Variants in TRAM2 observed in about 807,000 individuals in gnomAD.
TRAM2 encodes the protein translocation associated membrane protein 2.
Under a neutral mutation model 51.0 loss-of-function variants are expected in TRAM2, and 12 were observed. The ratio of observed to expected loss-of-function variants is 0.24; its 90% confidence interval spans 0.15 to 0.38. The LOEUF (loss-of-function observed/expected upper bound fraction) is 0.38, where lower values mean the gene tolerates loss of function less well. TRAM2 is among the 10% of genes least tolerant of loss of function. The pLI is 1.00. For missense variants in TRAM2, 361 were observed against 462.0 expected, an observed-to-expected ratio of 0.78 and a Z score of 2.00; for synonymous variants, 175 against 179.4, an observed-to-expected ratio of 0.98 and a Z score of 0.20.
chr6:52,540,210 C>T (rs1055249490), intron 1 of TRAM2, among the ~76,000 whole-genome samples: 2 of 151,222 alleles, frequency 1.3e-5, no homozygotes, highest in Non-Finnish European at 2.9e-5. Context: ...AGTAGCCTCC[C>T]GAGACCTCAC....
intron 4 of TRAM2, 67 bp from the exon 5 acceptor site, chr6:52,509,653 G>A (rs942253816): frequency 6.2e-5 from 91 of 1,474,110 alleles, no homozygotes; most frequent in Admixed American, 1.4e-4. Flanking sequence ...CCCTGGGACC[G>A]GTCCAGGGGT....
rs184340050 is a variant in TRAM2 at position 52,567,065 on chromosome 6, T to C, written c.120+9731A>G. Among the ~76,000 whole-genome samples, 643 of 152,344 alleles carry C rather than the reference T, an allele frequency of 4.2e-3. 6 individuals are homozygous for C. Among genetic ancestry groups the C allele is most frequent in the Non-Finnish European group, 7.0e-3 (477 of 68,032 alleles). On this transcript the variant is annotated intron_variant, in intron 1 of 10. Transcript: ENST00000182527. The stretch of plus-strand genomic sequence containing the variant: ...TGGTTCACACAAAAGCACTGCTTAA[T>C]CAACATTTGCAGAACAAGGGGCAAG...
At chr6:52,556,517 A>G (rs1199879059) in intron 1 of TRAM2, among the ~76,000 whole-genome samples, 1 of 151,852 alleles carries the variant, frequency 6.6e-6, no homozygotes, top group African/African-American at 2.4e-5. Flanking sequence ...CCTGACCTCA[A>G]GTGATCCACT....
At chr6:52,504,449 C>A in intron 10 of TRAM2, 142 bp downstream of exon 10, 1 of 1,439,044 alleles carries the variant, frequency 6.9e-7, no homozygotes, top group Non-Finnish European at 9.2e-7. Flanking sequence ...CTAGGAGCCC[C>A]AGCCCTGAGG....
Position 52,577,034 on chromosome 6 carries a change from C to G in TRAM2, c.-119G>C, listed in dbSNP as rs1402741298. On this transcript the variant is annotated 5_prime_UTR_variant, in exon 1 of 11. Transcript: ENST00000182527. ...CCCGCCGCCCGCTCTCCCACAGCCG[C>G]TCGCCCGCCCAGCGCGGAACAACTT... The G allele has an allele frequency of 6.7e-5, 80 of 1,185,854 alleles. No homozygotes were observed. Among genetic ancestry groups the G allele is most frequent in the Non-Finnish European group, 8.4e-5 (79 of 942,592 alleles). 73.5% of individuals were successfully genotyped at this position (1,185,854 alleles called of 1,614,324 possible). A position where few individuals can be genotyped will look rare whatever the true frequency, so the allele number is the denominator to read the frequency against.
chr6:52,503,066 A>C lies in TRAM2; in HGVS notation c.*131T>G. On this transcript the variant is annotated 3_prime_UTR_variant, in exon 11 of 11. Coordinates refer to ENST00000182527, the MANE Select transcript of TRAM2 (RefSeq NM_012288.4). Reference sequence around the variant, plus strand: ...GGAAAGCGAAACGCCCCCTCCCCCCATTGCAAGACAGGTTTCGGCTGTTTG... The same window carrying C: ...GGAAAGCGAAACGCCCCCTCCCCCCCTTGCAAGACAGGTTTCGGCTGTTTG... 1.3e-6 allele frequency: 1 copy of C among 767,728 alleles called. No individual in the cohort carries two copies. The highest frequency in any genetic ancestry group is 1.5e-5 in the South Asian group (1 of 65,206). The allele number at this position is 767,728 out of a possible 1,614,324, so 47.6% of individuals were successfully genotyped here. A position where few individuals can be genotyped will look rare whatever the true frequency, so the allele number is the denominator to read the frequency against.
intron 1 of TRAM2, among the ~76,000 whole-genome samples, chr6:52,538,146 G>C (rs892821600): frequency 1.3e-5 from 2 of 152,230 alleles, no homozygotes; most frequent in African/African-American, 4.8e-5. Flanking sequence ...AGAGGAGTTG[G>C]AAGAAATGAG....
Sources: allele counts gnomAD v4.1 joint callset (sites outside exome capture counted in the v4.1 genomes callset), GRCh38; gene constraint gnomAD v4.1.1; transcripts MANE v1.5; gene names NCBI Gene and HGNC (gene_info 2026-07-23, HGNC 2026-07-21).